The following STAP2 variants were observed in gnomAD, a reference collection of about 807,000 sequenced individuals.
STAP2 encodes the protein signal-transducing adaptor protein 2.
In STAP2, 58 loss-of-function variants were observed where a neutral mutation model predicts 52.7. The ratio of observed to expected loss-of-function variants is 1.10; its 90% CI spans 0.89 to 1.37. The LOEUF is 1.37. Ranked by LOEUF, STAP2 falls within the 40% of genes most tolerant of loss-of-function variation. The pLI is 0.00. For missense variants in STAP2, 522 were observed against 519.4 expected, an observed-to-expected ratio of 1.00 and a Z score of -0.05; for synonymous variants, 231 against 210.5, an observed-to-expected ratio of 1.10 and a Z score of -0.84.
intron 1 of STAP2, among the ~76,000 whole-genome samples, chr19:4,334,839 A>G (rs1319428571): frequency 4.5e-4 from 20 of 44,500 alleles, no homozygotes; most frequent in African/African-American, 1.6e-3. Context: ...CCACCCACTC[A>G]TCCATCCATC....
In STAP2 at chr19:4,324,086, C is replaced by T; in HGVS notation, c.*47G>A. 1.3e-6 allele frequency: 2 copies of T among 1,538,410 alleles called. No homozygotes were observed. Among genetic ancestry groups the T allele is most frequent in the Non-Finnish European group, 1.8e-6 (2 of 1,135,514 alleles). On this transcript the variant is annotated 3_prime_UTR_variant, in exon 13 of 13. Transcript: ENST00000594605. ...AATCCTGGGAAAAAGAATCTGGCCG[C>T]TGGGCCATGCCCTGGGACTAGCCCG...
chr19:4,338,556 C>CCCCCCCCCCA, intron 1 of STAP2, 96 bp downstream of exon 1: 1 of 722,436 alleles, frequency 1.4e-6, no homozygotes, highest in East Asian at 4.8e-5. Context: ...GCACCCACCC[C>CCCCCCCCCCA]GCCCCCCCTT....
At chr19:4,331,793 G>A (rs1254048064) in intron 4 of STAP2, among the ~76,000 whole-genome samples, 1 of 152,142 alleles carries the variant, frequency 6.6e-6, no homozygotes, top group South Asian at 2.1e-4. Flanking sequence ...TTAGCCGGGC[G>A]TGGTGGCGGG....
At chr19:4,325,800 G>A (rs145041910) in intron 9 of STAP2, among the ~76,000 whole-genome samples, 132 of 152,194 alleles carry the variant, frequency 8.7e-4, no homozygotes, top group African/African-American at 2.9e-3. Flanking sequence ...GTGAAACCCC[G>A]TCTCTACTAA....
Position 4,325,207 on chromosome 19 carries a change from GA to G in STAP2, c.1072+8del. On this transcript the variant is annotated splice_region_variant and intron_variant, in intron 11 of 12. Transcript: ENST00000594605. ...TCAGGTGAGGGTGGGATATGGGGGG[GA>G]CCCCAACCTGGCTTGGGTCCAACGG... The G allele has an allele frequency of 6.4e-7, 1 of 1,573,820 alleles. No homozygotes were observed. Among genetic ancestry groups the G allele is most frequent in the Non-Finnish European group, 8.6e-7 (1 of 1,159,254 alleles).
In STAP2 at chr19:4,338,675, C is replaced by A; in HGVS notation, c.79G>T (p.Glu27Ter). The A allele has an allele frequency of 6.2e-7, 1 of 1,612,404 alleles. No individual in the cohort carries two copies. The highest frequency in any genetic ancestry group is 8.5e-7 in the Non-Finnish European group (1 of 1,179,038). Residue 27 changes from glutamate (E) to a stop codon, truncating the protein, a stop_gained, in exon 1 of 13, where the codon GAG (glutamate) becomes TAG (stop). Transcript: ENST00000594605. LOFTEE classifies it high-confidence loss of function. ...LPSHYYESFLEKKGPCDRDYK... is the reference protein window; with the variant it reads ...LPSHYYESFL Reference sequence around the variant, plus strand: ...ACCCGGTCACAGGGCCCCTTCTTCTCTAGAAAGCTCTCATAGTAGTGTGAA... The same window carrying A: ...ACCCGGTCACAGGGCCCCTTCTTCTATAGAAAGCTCTCATAGTAGTGTGAA...
At chr19:4,331,749 A>G (rs570499264) in intron 4 of STAP2, among the ~76,000 whole-genome samples, 10 of 149,594 alleles carry the variant, frequency 6.7e-5, no homozygotes, top group Non-Finnish European at 1.2e-4. Context: ...TGGCTAACAC[A>G]GTGAAACCCC....
intron 1 of STAP2, among the ~76,000 whole-genome samples, chr19:4,337,636 C>G (rs1972001098): frequency 6.6e-6 from 1 of 150,904 alleles, no homozygotes; most frequent in East Asian, 2.0e-4. Context: ...CACCTGAGGT[C>G]AAGAGTTCAA....
At chr19:4,328,365 G>C in intron 6 of STAP2, 1 of 224,244 alleles carries the variant, frequency 4.5e-6, no homozygotes. Flanking sequence ...CTCTGATTCC[G>C]CCACCAGTGT....
intron 3 of STAP2, 138 bp downstream of exon 3, chr19:4,333,556 G>T (rs920427945): frequency 2.5e-6 from 3 of 1,183,238 alleles, no homozygotes; most frequent in Non-Finnish European, 3.4e-6. Flanking sequence ...CTCCTTTGGG[G>T]TCAAGACCCA....
rs76747643 is a variant in STAP2, at chr19:4,324,044, C to A, written c.*89G>T. ...CCCAAGCCAAGCCAGACACATGGGT[C>A]CTGGGGTCAGAGTTTTAATCCTGGG... On this transcript the variant is annotated 3_prime_UTR_variant, in exon 13 of 13. Transcript: ENST00000594605. 1 of 1,396,870 alleles carries A rather than the reference C, an allele frequency of 7.2e-7. No homozygotes were observed. The highest frequency in any genetic ancestry group is 9.9e-7 in the Non-Finnish European group (1 of 1,011,442). The allele number at this position is 1,396,870 out of a possible 1,614,324, so 86.5% of individuals were successfully genotyped here.
chr19:4,337,561 A>G (rs1971999905), intron 1 of STAP2, among the ~76,000 whole-genome samples: 1 of 151,658 alleles, frequency 6.6e-6, no homozygotes, highest in East Asian at 2.0e-4. Context: ...AAAAAAAAAA[A>G]AAAGGCTGGG....
At chr19:4,329,723 C>T (rs1230033785) in intron 5 of STAP2, among the ~76,000 whole-genome samples, 1 of 152,132 alleles carries the variant, frequency 6.6e-6, no homozygotes, top group Non-Finnish European at 1.5e-5. Context: ...GGCCTAGGCC[C>T]CGCCACTGAA....
At chr19:4,336,634 T>A (rs182570854) in intron 1 of STAP2, among the ~76,000 whole-genome samples, 132 of 151,048 alleles carry the variant, frequency 8.7e-4, no homozygotes, top group African/African-American at 3.0e-3. Context: ...TCTTTTCTTT[T>A]TTTTTTCTTT....
chr19:4,335,698 C>T (rs905703265), intron 1 of STAP2, among the ~76,000 whole-genome samples: 1 of 152,114 alleles, frequency 6.6e-6, no homozygotes, highest in Non-Finnish European at 1.5e-5. Context: ...TATGTACCCA[C>T]GATGTGCTGT....
At chr19:4,325,654 GTC>G (rs1971779719) in intron 9 of STAP2, 109 bp from the exon 10 acceptor site, 2 of 1,288,496 alleles carry the variant, frequency 1.6e-6, no homozygotes, top group African/African-American at 1.5e-5. Context: ...GTCCCTGTGT[GTC>G]TGTGTGTGTG....
rs1971878076 is a variant in STAP2, at chr19:4,330,824, C to G, written c.355-763G>C. 2.0e-5 allele frequency among the ~76,000 whole-genome samples: 3 copies of G among 149,822 alleles called. No individual in the cohort carries two copies. In the South Asian group the frequency reaches 6.4e-4, roughly 32 times the overall value. On this transcript the variant is annotated intron_variant, in intron 4 of 12. Coordinates refer to ENST00000594605, the MANE Select transcript of STAP2 (RefSeq NM_001013841.2). ...CCGACTCCCGGGTTCAAGCCATTCTCCTGCCTCAGCCTCCCGAGTAGCTGG... is the reference window on the plus strand; with the variant it reads ...CCGACTCCCGGGTTCAAGCCATTCTGCTGCCTCAGCCTCCCGAGTAGCTGG...
Position 4,326,947 on chromosome 19 carries a change from C to T in STAP2, c.824G>A (p.Gly275Asp), listed in dbSNP as rs1479021394. The T allele has an allele frequency of 6.4e-7, 1 of 1,551,474 alleles. No individual in the cohort carries two copies. The highest frequency in any genetic ancestry group is 8.7e-7 in the Non-Finnish European group (1 of 1,146,922). Residue 275 changes from glycine to aspartate, a missense_variant, in exon 9 of 13, where the codon GGC becomes GAC. By Grantham distance (94) the Gly-to-Asp change is moderately conservative. Coordinates refer to ENST00000594605, the MANE Select transcript of STAP2 (RefSeq NM_001013841.2). ...CCGCGGGAAGGGGGCGTCACCTGGG[C>T]CCGGAGCGGAGGGCGCCACCCACAC... ...ENVWVAPSAPGPGPAPCTGGP... is the reference protein window; with the variant it reads ...ENVWVAPSAPDPGPAPCTGGP...
intron 6 of STAP2, chr19:4,328,317 AC>A (rs2144782990): frequency 3.9e-5 from 1 of 25,684 alleles, no homozygotes; most frequent in South Asian, 1.4e-3. Flanking sequence ...CAGCCCGCCC[AC>A]CCCAGCTCTG....
Sources: allele counts gnomAD v4.1 joint callset (sites outside exome capture counted in the v4.1 genomes callset), GRCh38; gene constraint gnomAD v4.1.1; transcripts MANE v1.5; gene names NCBI Gene and HGNC (gene_info 2026-07-23, HGNC 2026-07-21).